MYO16: variants seen among roughly 807,000 people sequenced by gnomAD.
MYO16 encodes the protein unconventional myosin-XVI.
A neutral mutation model predicts 205.3 loss-of-function variants in MYO16; 94 were observed. That is an observed-to-expected ratio of 0.46 (90% confidence interval 0.39 to 0.54). The LOEUF (loss-of-function observed/expected upper bound fraction) is 0.54, where lower values mean the gene tolerates loss of function less well. Ranked by LOEUF, MYO16 falls within the 20% of genes least tolerant of loss-of-function variation. The pLI is 0.00. For missense variants in MYO16, 2,315 were observed against 2,387.5 expected, an observed-to-expected ratio of 0.97 and a Z score of 0.63; for synonymous variants, 988 against 954.0, an observed-to-expected ratio of 1.04 and a Z score of -0.66.
rs76692112 is a variant in MYO16 at position 108,632,419 on chromosome 13, G to A, written c.28+2547G>A. On this transcript the variant is annotated intron_variant, in intron 1 of 34. Transcript: ENST00000457511. ...GAAATGTGCAACATTAGCATCCCAT[G>A]TGCTCCTAGTGAATCACAGGAAGCC... 2.8e-3 allele frequency among the ~76,000 whole-genome samples: 421 copies of A among 152,218 alleles called. 2 individuals carry two copies. Among genetic ancestry groups the A allele is most frequent in the African/African-American group, 9.7e-3 (403 of 41,536 alleles).
chr13:109,017,287 T>C (rs1000661447), intron 22 of MYO16, among the ~76,000 whole-genome samples: 1 of 152,338 alleles, frequency 6.6e-6, no homozygotes, highest in Non-Finnish European at 1.5e-5. Flanking sequence ...ATGTTGAATA[T>C]TGACCCCCAC....
intron 25 of MYO16, 72 bp from the exon 26 acceptor site, chr13:109,054,973 CT>C: frequency 2.1e-6 from 2 of 957,726 alleles, no homozygotes; most frequent in South Asian, 1.6e-5. Context: ...TTCCTCCCTC[CT>C]TTTCCTCCTT....
At chr13:108,575,985 G>C in the MYO16 span, among the ~76,000 whole-genome samples, 198 of 152,162 alleles carry the variant, frequency 1.3e-3, no homozygotes, top group Admixed American at 2.2e-3. Context: ...AATCTAGCTG[G>C]GGCTGGAAGG....
chr13:108,818,446 TAATA>T (rs749280825), intron 7 of MYO16, among the ~76,000 whole-genome samples: 14 of 145,810 alleles, frequency 9.6e-5, no homozygotes, highest in African/African-American at 2.7e-4. Context: ...ACAAACACAA[TAATA>T]AATAAAAATA....
intron 20 of MYO16, among the ~76,000 whole-genome samples, chr13:108,987,640 C>T (rs1034428033): frequency 2.0e-5 from 3 of 152,156 alleles, no homozygotes; most frequent in African/African-American, 7.2e-5. Context: ...CAAGATTGCT[C>T]ACGTCTGGAA....
At chr13:109,184,030 T>C (rs1304200888) in intron 34 of MYO16, among the ~76,000 whole-genome samples, 1 of 152,238 alleles carries the variant, frequency 6.6e-6, no homozygotes, top group Non-Finnish European at 1.5e-5. Flanking sequence ...TTGTATTTGT[T>C]ATATAGACTG....
At chr13:108,931,851 C>T (rs1022271898) in intron 16 of MYO16, among the ~76,000 whole-genome samples, 1 of 152,166 alleles carries the variant, frequency 6.6e-6, no homozygotes, top group Admixed American at 6.5e-5. Flanking sequence ...TCATCTGATG[C>T]ATTTACTTTA....
At chr13:108,972,416 A>C (rs36139984) in intron 20 of MYO16, among the ~76,000 whole-genome samples, 15,656 of 76,152 alleles carry the variant, frequency 0.21, 2,497 homozygotes, top group African/African-American at 0.34. Context: ...GTAAGAAAGC[A>C]TCTTAGTTTA....
chr13:108,937,316 T>C (rs1049831532), intron 16 of MYO16, among the ~76,000 whole-genome samples: 5 of 152,134 alleles, frequency 3.3e-5, no homozygotes, highest in Non-Finnish European at 7.4e-5. Flanking sequence ...TAGTATTGAT[T>C]TTGGTTAGTC....
chr13:108,993,288 A>G (rs1460802707), intron 21 of MYO16, among the ~76,000 whole-genome samples: 1 of 152,196 alleles, frequency 6.6e-6, no homozygotes, highest in Non-Finnish European at 1.5e-5. Flanking sequence ...CTTGGCCAAG[A>G]TGAAGACTCT....
intron 16 of MYO16, among the ~76,000 whole-genome samples, chr13:108,931,511 C>T (rs1566418490): frequency 6.6e-6 from 1 of 152,118 alleles, no homozygotes. Flanking sequence ...ACAGGTAGTC[C>T]CCGCACCCCA....
chr13:108,871,458 C>T (rs1879060869), intron 12 of MYO16, among the ~76,000 whole-genome samples: 1 of 151,830 alleles, frequency 6.6e-6, no homozygotes, highest in African/African-American at 2.4e-5. Flanking sequence ...AACCATAGGG[C>T]CCAGGAAGAC....
At chr13:108,672,196 G>T (rs1882018690) in intron 2 of MYO16, among the ~76,000 whole-genome samples, 1 of 152,118 alleles carries the variant, frequency 6.6e-6, no homozygotes, top group Admixed American at 6.6e-5. Context: ...TCTAGCATAT[G>T]TATTACTTCT....
intron 9 of MYO16, among the ~76,000 whole-genome samples, chr13:108,825,990 A>T (rs1480746496): frequency 6.6e-6 from 1 of 152,156 alleles, no homozygotes; most frequent in Non-Finnish European, 1.5e-5. Flanking sequence ...AAGAAATATT[A>T]AATTCATGGA....
chr13:108,904,196 A>G (rs888491802), intron 15 of MYO16, among the ~76,000 whole-genome samples: 1 of 152,200 alleles, frequency 6.6e-6, no homozygotes, highest in Non-Finnish European at 1.5e-5. Context: ...AATGTAATTT[A>G]TAAATAGCAT....
At chr13:108,895,497 A>G (rs1278218941) in intron 14 of MYO16, among the ~76,000 whole-genome samples, 3 of 152,258 alleles carry the variant, frequency 2.0e-5, no homozygotes, top group African/African-American at 4.8e-5. Context: ...GACAACGTAC[A>G]GTGAAAGAAT....
intron 7 of MYO16, among the ~76,000 whole-genome samples, chr13:108,809,129 G>A (rs1887207431): frequency 6.6e-6 from 1 of 152,182 alleles, no homozygotes; most frequent in Admixed American, 6.5e-5. Context: ...AAGGAATTAA[G>A]ATTGTTTTTA....
intron 28 of MYO16, among the ~76,000 whole-genome samples, chr13:109,114,714 G>C (rs1205612002): frequency 2.0e-5 from 3 of 152,182 alleles, no homozygotes; most frequent in Non-Finnish European, 4.4e-5. Context: ...AGTAACTGAA[G>C]TGTTTTATGT....
chr13:108,749,843 T>G (rs1174914601), intron 4 of MYO16, among the ~76,000 whole-genome samples: 2 of 152,228 alleles, frequency 1.3e-5, no homozygotes, highest in Admixed American at 1.3e-4. Flanking sequence ...TATAGCAGCT[T>G]TATTCATAAT....
Sources: gnomAD v4.1 joint callset for allele counts (sites outside exome capture counted in the v4.1 genomes callset) on GRCh38, gnomAD v4.1.1 for gene constraint, MANE v1.5 for transcripts, NCBI Gene and HGNC (gene_info 2026-07-23, HGNC 2026-07-21) for gene names.